RAB33B: variants seen among roughly 807,000 people sequenced by gnomAD.
The protein encoded by RAB33B is RAB33B, member RAS oncogene family, also known as ras-related protein Rab-33B.
A neutral mutation model predicts 15.0 loss-of-function variants in RAB33B; 6 were observed. That is an observed-to-expected ratio of 0.40 (90% CI 0.22 to 0.79). The LOEUF (loss-of-function observed/expected upper bound fraction) is 0.79, where lower values mean the gene tolerates loss of function less well. Among genes scored for constraint, RAB33B ranks in the 30% least tolerant of loss-of-function variants. The probability of loss-of-function intolerance (pLI) is 0.37; values close to 1 mark genes in which losing one functional copy is unlikely to be tolerated. For missense variants in RAB33B, 257 were observed against 296.4 expected (o/e 0.87, Z 0.98); for synonymous variants, 117 against 108.3 (o/e 1.08, Z -0.50).
In RAB33B at chr4:139,473,575, T is replaced by C. The variant is rs934834431; in HGVS notation, c.*449T>C. On this transcript the variant is annotated 3_prime_UTR_variant, in exon 2 of 2. Transcript: ENST00000305626. Reference sequence around the variant, plus strand: ...TTTTTGTTTTTTCATAGAGACGGGGTCTTGCTATGTTGTCCAGGCTGGCCT... The same window carrying C: ...TTTTTGTTTTTTCATAGAGACGGGGCCTTGCTATGTTGTCCAGGCTGGCCT... The C allele has an allele frequency of 6.3e-6, 1 of 158,976 alleles. No individual in the cohort carries two copies. Among genetic ancestry groups the C allele is most frequent in the African/African-American group, 2.4e-5 (1 of 41,512 alleles). The allele number at this position is 158,976 out of a possible 1,614,324, so 9.8% of individuals were successfully genotyped here. A position where few individuals can be genotyped will look rare whatever the true frequency, so the allele number is the denominator to read the frequency against.
At chr4:139,445,845 A>AG in the RAB33B span, among the ~76,000 whole-genome samples, 10 of 152,152 alleles carry the variant, frequency 6.6e-5, no homozygotes, top group Admixed American at 3.3e-4. Context: ...AGTCCCCCAT[A>AG]GGTGAATCAC....
chr4:139,472,664 C>T, intron 1 of RAB33B, 22 bp from the exon 2 acceptor site: 1 of 1,547,606 alleles, frequency 6.5e-7, no homozygotes, highest in South Asian at 1.2e-5. Context: ...TTCAGTTTTC[C>T]TCTTTTTCTT....
chr4:139,452,593 G>A (rs528604745), upstream of RAB33B: 1 of 152,270 alleles, frequency 6.6e-6, no homozygotes, highest in Non-Finnish European at 1.5e-5. Context: ...TAACCTCACA[G>A]ATAAGTAATT....
chr4:139,453,191 T>G (rs1396115825), upstream of RAB33B: 1 of 152,212 alleles, frequency 6.6e-6, no homozygotes, highest in African/African-American at 2.4e-5. Context: ...GGGCGCCTAG[T>G]AACTACCAGG....
chr4:139,459,443 CAA>C (rs146511983), intron 1 of RAB33B, among the ~76,000 whole-genome samples: 5 of 151,718 alleles, frequency 3.3e-5, no homozygotes, highest in East Asian at 1.9e-4. Flanking sequence ...CTCTTAAAAA[CAA>C]AAAAAGAGTC....
chr4:139,468,584 A>T (rs1750335368), intron 1 of RAB33B, among the ~76,000 whole-genome samples: 1 of 152,196 alleles, frequency 6.6e-6, no homozygotes, highest in African/African-American at 2.4e-5. Context: ...TTAGAATAAG[A>T]GTAGTTTATA....
intron 1 of RAB33B, among the ~76,000 whole-genome samples, chr4:139,464,013 C>G (rs1750224101): frequency 6.6e-6 from 1 of 152,192 alleles, no homozygotes; most frequent in South Asian, 2.1e-4. Context: ...TGGCTTTTGC[C>G]TATAATCCCA....
chr4:139,454,020 G>A, upstream of RAB33B: 4 of 685,532 alleles, frequency 5.8e-6, no homozygotes, highest in Non-Finnish European at 9.0e-6. Context: ...TGCCACACCT[G>A]TGCGGGCAAG....
chr4:139,458,993 T>A (rs1164429533), intron 1 of RAB33B, among the ~76,000 whole-genome samples: 1 of 152,208 alleles, frequency 6.6e-6, no homozygotes, highest in Admixed American at 6.5e-5. Flanking sequence ...TGATTTACAT[T>A]TCTCTCATGA....
intron 1 of RAB33B, among the ~76,000 whole-genome samples, chr4:139,464,658 G>T (rs953424074): frequency 3.3e-5 from 5 of 152,074 alleles, no homozygotes; most frequent in Non-Finnish European, 7.4e-5. Context: ...CTGTCCTTGT[G>T]ATAGTTTGCT....
At chr4:139,463,763 T>C (rs1026212783) in intron 1 of RAB33B, among the ~76,000 whole-genome samples, 4 of 152,208 alleles carry the variant, frequency 2.6e-5, no homozygotes, top group African/African-American at 9.6e-5. Flanking sequence ...TTTTAATCAG[T>C]TGTCCTGTCG....
chr4:139,461,793 A>G (rs1335401651), intron 1 of RAB33B, among the ~76,000 whole-genome samples: 1 of 151,918 alleles, frequency 6.6e-6, no homozygotes, highest in Non-Finnish European at 1.5e-5. Flanking sequence ...AATTTTGACC[A>G]GGCATGGTGG....
chr4:139,470,947 C>G (rs1750377206), intron 1 of RAB33B, among the ~76,000 whole-genome samples: 1 of 152,126 alleles, frequency 6.6e-6, no homozygotes, highest in Admixed American at 6.5e-5. Flanking sequence ...CTCCTCTCCT[C>G]TCCTCTCCTC....
rs778736697 is a variant in RAB33B at position 139,472,835 on chromosome 4, A to G, written c.399A>G (p.Lys133=). ...HSLPSWIEEC[K]QHLLANDIPR... is the part of the protein sequence containing the mutation. ...TACCATCTTGGATAGAAGAATGCAA[A>G]CAACATTTGCTAGCCAATGATATAC... The change falls in exon 2 of 2, where the codon AAA becomes AAG. Residue 133 remains lysine (K), a synonymous_variant. Coordinates refer to ENST00000305626, the MANE Select transcript of RAB33B (RefSeq NM_031296.3). 1.9e-6 allele frequency: 3 copies of G among 1,614,216 alleles called. No homozygotes were observed. Among genetic ancestry groups the G allele is most frequent in the East Asian group, 2.2e-5 (1 of 44,890 alleles).
chr4:139,454,146 G>T lies in RAB33B; in HGVS notation c.-50G>T, dbSNP rs777094745. Reference sequence around the variant, plus strand: ...GCTCTTGCGGTGGCGTAATCTCTCAGCCTTTCTGTGTCTCCTTTCCTCCGC... The same window carrying T: ...GCTCTTGCGGTGGCGTAATCTCTCATCCTTTCTGTGTCTCCTTTCCTCCGC... On this transcript the variant is annotated 5_prime_UTR_variant, in exon 1 of 2. Transcript: ENST00000305626. The T allele has an allele frequency of 2.1e-5, 33 of 1,563,608 alleles. No individual in the cohort carries two copies. Among genetic ancestry groups the T allele is most frequent in the Non-Finnish European group, 2.7e-5 (31 of 1,155,086 alleles).
intron 1 of RAB33B, among the ~76,000 whole-genome samples, chr4:139,466,541 A>T (rs1432133074): frequency 2.0e-5 from 3 of 152,100 alleles, no homozygotes; most frequent in Admixed American, 2.0e-4. Flanking sequence ...TATCTTTCTA[A>T]ATGCTAAAGA....
chr4:139,471,851 TAAA>T (rs1262972269), intron 1 of RAB33B, among the ~76,000 whole-genome samples: 2 of 152,254 alleles, frequency 1.3e-5, no homozygotes, highest in East Asian at 3.8e-4. Flanking sequence ...TTTTAGCTCT[TAAA>T]TTTAGGTCTT....
rs1401695472 is a variant in RAB33B at position 139,476,046 on chromosome 4, T to G, written c.*2920T>G. 1.3e-5 allele frequency: 2 copies of G among 152,120 alleles called. No individual in the cohort carries two copies. Among genetic ancestry groups the G allele is most frequent in the East Asian group, 1.9e-4 (1 of 5,198 alleles). The allele number at this position is 152,120 out of a possible 1,614,324, so 9.4% of individuals were successfully genotyped here. On this transcript the variant is annotated 3_prime_UTR_variant, in exon 2 of 2. Coordinates refer to ENST00000305626, the MANE Select transcript of RAB33B (RefSeq NM_031296.3). ...AAAACAACAAAAAGCCCCCAACCCA[T>G]TGGACAATTATTTTCTTGTATACAT...
intron 1 of RAB33B, among the ~76,000 whole-genome samples, chr4:139,456,215 C>A (rs1750065439): frequency 6.6e-6 from 1 of 151,920 alleles, no homozygotes; most frequent in Non-Finnish European, 1.5e-5. Flanking sequence ...AGTTGTACAC[C>A]CAAAGTTGAA....
Sources: gnomAD v4.1 joint callset for allele counts (sites outside exome capture counted in the v4.1 genomes callset) on GRCh38, gnomAD v4.1.1 for gene constraint, MANE v1.5 for transcripts, NCBI Gene and HGNC (gene_info 2026-07-23, HGNC 2026-07-21) for gene names.